Variants in ARID3B observed in about 807,000 individuals in gnomAD.
The protein encoded by ARID3B is AT-rich interactive domain-containing protein 3B.
Under a neutral mutation model 51.9 loss-of-function variants are expected in ARID3B, and 10 were observed. The observed-to-expected ratio is 0.19, with a 90% confidence interval of 0.12 to 0.33. ARID3B has a LOEUF of 0.33. ARID3B is among the 10% of genes least tolerant of loss of function. The pLI is 1.00. For synonymous variants in ARID3B, 205 were observed against 279.5 expected, an observed-to-expected ratio of 0.73 and a Z score of 2.66; for missense variants, 483 against 716.3, an observed-to-expected ratio of 0.67 and a Z score of 3.72.
intron 1 of ARID3B, among the ~76,000 whole-genome samples, chr15:74,543,658 G>T (rs533960810): frequency 6.6e-6 from 1 of 151,946 alleles, no homozygotes; most frequent in East Asian, 1.9e-4. Flanking sequence ...TCCCCTCTTA[G>T]ATCCTGTTTC....
intron 1 of ARID3B, among the ~76,000 whole-genome samples, chr15:74,542,269 A>G (rs574578230): frequency 2.2e-4 from 34 of 152,366 alleles, no homozygotes; most frequent in South Asian, 1.0e-3. Flanking sequence ...ACTTTTGCCA[A>G]CTGAATTTAA....
chr15:74,575,744 T>TA (rs1373595715), intron 4 of ARID3B, among the ~76,000 whole-genome samples: 1 of 152,214 alleles, frequency 6.6e-6, no homozygotes, highest in Admixed American at 6.5e-5. Flanking sequence ...CTTCAGCACT[T>TA]ACGTCAGGTA....
At chr15:74,557,253 GA>G (rs916518478) in intron 2 of ARID3B, among the ~76,000 whole-genome samples, 84 of 141,144 alleles carry the variant, frequency 6.0e-4, no homozygotes, top group South Asian at 1.4e-3. Context: ...TGTCTCTACC[GA>G]AAAAAAAAAA....
intron 1 of ARID3B, among the ~76,000 whole-genome samples, chr15:74,542,484 A>G (rs569356505): frequency 1.1e-4 from 17 of 152,238 alleles, no homozygotes; most frequent in Admixed American, 5.9e-4. Context: ...AGAATTTTTA[A>G]TCTCTACTAA....
rs557982104 is a variant in ARID3B at position 74,583,279 on chromosome 15, C to T, written c.698-6541C>T. Reference sequence around the variant, plus strand: ...GATATTGAGCAAAAGAAGCCAGACACAGAATATATACTATGTGAGTCCATT... The same window carrying T: ...GATATTGAGCAAAAGAAGCCAGACATAGAATATATACTATGTGAGTCCATT... On this transcript the variant is annotated intron_variant, in intron 4 of 8. Coordinates refer to ENST00000346246, the MANE Select transcript of ARID3B (RefSeq NM_006465.4). 3.3e-5 allele frequency among the ~76,000 whole-genome samples: 5 copies of T among 152,168 alleles called. No individual in the cohort carries two copies. The East Asian group carries it at 9.6e-4, about 29-fold the overall frequency.
intron 5 of ARID3B, among the ~76,000 whole-genome samples, chr15:74,590,432 C>G (rs1432281509): frequency 6.6e-6 from 1 of 152,210 alleles, no homozygotes; most frequent in Non-Finnish European, 1.5e-5. Flanking sequence ...CCAAGTGGCC[C>G]CTCTTACCTG....
chr15:74,550,692 G>A (rs1278237115), intron 2 of ARID3B, among the ~76,000 whole-genome samples: 1 of 151,380 alleles, frequency 6.6e-6, no homozygotes, highest in East Asian at 1.9e-4. Context: ...GGGTGACAGA[G>A]TGAGTGTCCA....
chr15:74,544,837 C>T (rs550868140), intron 2 of ARID3B, among the ~76,000 whole-genome samples: 2 of 151,954 alleles, frequency 1.3e-5, no homozygotes, highest in South Asian at 4.2e-4. Flanking sequence ...ACTATAGGCG[C>T]GTGCCACTAT....
At chr15:74,551,951 T>C (rs1046724169) in intron 2 of ARID3B, among the ~76,000 whole-genome samples, 4 of 152,162 alleles carry the variant, frequency 2.6e-5, no homozygotes, top group Admixed American at 2.0e-4. Context: ...CTCAGCATTA[T>C]TGAATACAGA....
intron 8 of ARID3B, among the ~76,000 whole-genome samples, chr15:74,594,308 C>T (rs937067498): frequency 4.6e-5 from 7 of 152,112 alleles, no homozygotes; most frequent in African/African-American, 1.2e-4. Flanking sequence ...GTTAGCCAGG[C>T]GTGGGGGCGG....
chr15:74,544,245 G>A lies in ARID3B; in HGVS notation c.309G>A (p.Gly103=). Residue 103 remains glycine, a synonymous_variant, in exon 2 of 9, where the codon GGG becomes GGA. Transcript: ENST00000346246. ...EEDGGLEDED[G]DDEVAEVAEK... The stretch of plus-strand genomic sequence containing the variant: ...ACGGAGGTTTGGAAGATGAGGATGG[G>A]GATGATGAAGTTGCAGAGGTGGCTG... 1 of 1,614,182 alleles carries A rather than the reference G, an allele frequency of 6.2e-7. No homozygotes were observed. Among genetic ancestry groups the A allele is most frequent in the South Asian group, 1.1e-5 (1 of 91,078 alleles).
At chr15:74,559,397 A>G (rs2061670748) in intron 2 of ARID3B, among the ~76,000 whole-genome samples, 1 of 152,210 alleles carries the variant, frequency 6.6e-6, no homozygotes, top group Admixed American at 6.5e-5. Flanking sequence ...TTCACATCAG[A>G]CTATCCTCAC....
intron 4 of ARID3B, among the ~76,000 whole-genome samples, chr15:74,588,843 A>G (rs2061791565): frequency 6.6e-6 from 1 of 151,742 alleles, no homozygotes; most frequent in South Asian, 2.1e-4. Context: ...TCCCCCTTTC[A>G]GAGGCCAGGG....
chr15:74,571,827 G>A lies in ARID3B; in HGVS notation c.553-1035G>A, dbSNP rs146184519. 2.8e-3 allele frequency among the ~76,000 whole-genome samples: 430 copies of A among 152,314 alleles called. 5 individuals are homozygous for A. Among genetic ancestry groups the A allele is most frequent in the East Asian group, 0.024 (125 of 5,178 alleles). ...GAATAAGAGTTACTGGACTTGGCTG[G>A]GCGCAGTGGCTCATGCCTGTAATCC... On this transcript the variant is annotated intron_variant, in intron 2 of 8. Coordinates refer to ENST00000346246, the MANE Select transcript of ARID3B (RefSeq NM_006465.4).
chr15:74,581,062 A>G (rs907913894), intron 4 of ARID3B, among the ~76,000 whole-genome samples: 7 of 152,192 alleles, frequency 4.6e-5, no homozygotes, highest in African/African-American at 1.7e-4. Flanking sequence ...AATGCCCACA[A>G]GCAAGGCTCT....
At chr15:74,552,056 C>CTTTT (rs869096001) in intron 2 of ARID3B, among the ~76,000 whole-genome samples, 44 of 102,614 alleles carry the variant, frequency 4.3e-4, no homozygotes, top group East Asian at 7.1e-4. Flanking sequence ...TCTTTCTTTC[C>CTTTT]TTTTTTTTTT....
intron 2 of ARID3B, among the ~76,000 whole-genome samples, chr15:74,562,340 C>T (rs554671720): frequency 2.0e-5 from 3 of 152,238 alleles, no homozygotes; most frequent in Admixed American, 6.5e-5. Flanking sequence ...TGGGTTTCAC[C>T]ATGTTGGCCA....
chr15:74,549,992 A>G (rs1350879914), intron 2 of ARID3B, among the ~76,000 whole-genome samples: 9 of 152,246 alleles, frequency 5.9e-5, no homozygotes, highest in Admixed American at 5.9e-4. Flanking sequence ...GTGCAACCAG[A>G]AAGAACATAA....
At chr15:74,568,097 G>A (rs929955286) in intron 2 of ARID3B, among the ~76,000 whole-genome samples, 4 of 152,158 alleles carry the variant, frequency 2.6e-5, no homozygotes, top group Non-Finnish European at 5.9e-5. Context: ...TATTTTGGAG[G>A]GAGGGGTAAA....
Sources: allele counts gnomAD v4.1 joint callset (sites outside exome capture counted in the v4.1 genomes callset), GRCh38; gene constraint gnomAD v4.1.1; transcripts MANE v1.5; gene names NCBI Gene and HGNC (gene_info 2026-07-23, HGNC 2026-07-21).